The following ADAMTSL1 variants were observed in gnomAD, a reference collection of about 807,000 sequenced individuals.
ADAMTSL1 encodes the protein ADAMTS-like protein 1.
ADAMTSL1 carries 126 observed loss-of-function variants against 201.8 expected under a neutral mutation model. That is an observed-to-expected ratio of 0.62 (90% CI 0.54 to 0.72). The LOEUF is 0.72. Among genes scored for constraint, ADAMTSL1 ranks in the 30% least tolerant of loss-of-function variants. The pLI is 0.00. For missense variants in ADAMTSL1, 2,679 were observed against 2,277.8 expected, an observed-to-expected ratio of 1.18 and a Z score of -3.59; for synonymous variants, 1,121 against 903.4, an observed-to-expected ratio of 1.24 and a Z score of -4.32.
intron 2 of ADAMTSL1, among the ~76,000 whole-genome samples, chr9:18,349,748 C>A (rs1039706949): frequency 5.3e-5 from 8 of 152,022 alleles, no homozygotes; most frequent in Non-Finnish European, 1.2e-4. Flanking sequence ...GGTCAGCCTG[C>A]CTGAGGCACA....
intron 21 of ADAMTSL1, among the ~76,000 whole-genome samples, chr9:18,819,209 A>G (rs1489307143): frequency 6.6e-6 from 1 of 152,092 alleles, no homozygotes; most frequent in East Asian, 1.9e-4. Flanking sequence ...TAATCACAGC[A>G]CTTTGGGGGG....
intron 7 of ADAMTSL1, among the ~76,000 whole-genome samples, chr9:18,641,199 T>C (rs1284170570): frequency 1.3e-5 from 2 of 152,084 alleles, no homozygotes; most frequent in South Asian, 2.1e-4. Flanking sequence ...ACCTCTTATT[T>C]CTTCTTCAAG....
chr9:18,582,022 C>G (rs1022342766), intron 4 of ADAMTSL1, among the ~76,000 whole-genome samples: 1 of 152,148 alleles, frequency 6.6e-6, no homozygotes, highest in East Asian at 1.9e-4. Context: ...GTCAGTCTTT[C>G]TTGCAATTAA....
intron 2 of ADAMTSL1, among the ~76,000 whole-genome samples, chr9:18,416,023 C>A (rs144076479): frequency 8.9e-4 from 136 of 152,096 alleles, no homozygotes; most frequent in African/African-American, 3.2e-3. Flanking sequence ...TCATTACTAG[C>A]AGACCTGTAC....
intron 23 of ADAMTSL1, among the ~76,000 whole-genome samples, chr9:18,849,100 T>C (rs12003140): frequency 0.011 from 1,613 of 152,310 alleles, 31 homozygotes; most frequent in African/African-American, 0.035. Flanking sequence ...TCACACCTTA[T>C]ATTATTGGAC....
intron 19 of ADAMTSL1, among the ~76,000 whole-genome samples, chr9:18,787,636 C>T (rs1286615933): frequency 2.0e-5 from 3 of 152,116 alleles, no homozygotes; most frequent in African/African-American, 2.4e-5. Context: ...AAATAGTAAA[C>T]ATTTTAGGAT....
intron 2 of ADAMTSL1, among the ~76,000 whole-genome samples, chr9:18,313,409 C>G (rs1261017125): frequency 6.6e-6 from 1 of 152,066 alleles, no homozygotes; most frequent in African/African-American, 2.4e-5. Flanking sequence ...TTTATTTTAA[C>G]AAACATTTAA....
intron 19 of ADAMTSL1, among the ~76,000 whole-genome samples, chr9:18,783,578 A>G (rs1372529749): frequency 1.3e-5 from 2 of 152,204 alleles, no homozygotes; most frequent in Non-Finnish European, 2.9e-5. Context: ...AATTACAGCC[A>G]GTGGCTTTAA....
At chr9:18,160,135 G>A (rs889665812) in intron 1 of ADAMTSL1, among the ~76,000 whole-genome samples, 2 of 151,942 alleles carry the variant, frequency 1.3e-5, no homozygotes, top group African/African-American at 4.8e-5. Flanking sequence ...TGGTGTTTCT[G>A]TATTCCCGGG....
intron 4 of ADAMTSL1, among the ~76,000 whole-genome samples, chr9:18,620,122 C>G (rs1206769077): frequency 6.6e-6 from 1 of 150,624 alleles, no homozygotes; most frequent in Admixed American, 6.7e-5. Flanking sequence ...TGTGACACCT[C>G]CCTTCCATTG....
intron 1 of ADAMTSL1, among the ~76,000 whole-genome samples, chr9:18,028,660 G>T (rs1394459652): frequency 2.0e-5 from 3 of 152,120 alleles, no homozygotes; most frequent in African/African-American, 7.2e-5. Flanking sequence ...TTTGGTTACT[G>T]TAGCCTTGTA....
At chr9:18,886,065 T>C (rs1828832328) in intron 23 of ADAMTSL1, among the ~76,000 whole-genome samples, 1 of 151,010 alleles carries the variant, frequency 6.6e-6, no homozygotes, top group Non-Finnish European at 1.5e-5. Flanking sequence ...GGCGAGCAGA[T>C]CACTTGAGGC....
At chr9:18,556,601 G>T (rs1005973029) in intron 3 of ADAMTSL1, among the ~76,000 whole-genome samples, 1 of 151,916 alleles carries the variant, frequency 6.6e-6, no homozygotes, top group Admixed American at 6.6e-5. Context: ...CAATCTAAAA[G>T]CACTGGGTTT....
chr9:18,206,503 G>C (rs1173800665), intron 2 of ADAMTSL1, among the ~76,000 whole-genome samples: 1 of 151,930 alleles, frequency 6.6e-6, no homozygotes, highest in Non-Finnish European at 1.5e-5. Context: ...GACCCCTACT[G>C]TGTGTTACTA....
chr9:18,858,457 G>A (rs1423477060), intron 23 of ADAMTSL1, among the ~76,000 whole-genome samples: 1 of 152,192 alleles, frequency 6.6e-6, no homozygotes, highest in Non-Finnish European at 1.5e-5. Flanking sequence ...GATGAACATT[G>A]TCTTCTTTAG....
chr9:18,407,719 T>C (rs1460795000), intron 2 of ADAMTSL1, among the ~76,000 whole-genome samples: 5 of 152,212 alleles, frequency 3.3e-5, no homozygotes, highest in Admixed American at 3.3e-4. Context: ...TGGAAGCTTA[T>C]TGCAATGTTT....
chr9:18,730,918 G>A (rs960467747), intron 15 of ADAMTSL1, among the ~76,000 whole-genome samples: 1 of 152,184 alleles, frequency 6.6e-6, no homozygotes, highest in Non-Finnish European at 1.5e-5. Flanking sequence ...ATTCACAGAG[G>A]TAGAAAGGGC....
intron 2 of ADAMTSL1, among the ~76,000 whole-genome samples, chr9:18,170,079 G>C (rs142560199): frequency 6.1e-4 from 93 of 151,612 alleles, no homozygotes; most frequent in Admixed American, 1.7e-3. Context: ...TGTAAAATCT[G>C]TTACCCTGTG....
intron 2 of ADAMTSL1, among the ~76,000 whole-genome samples, chr9:18,440,107 G>A (rs1284306404): frequency 1.3e-5 from 2 of 152,098 alleles, no homozygotes; most frequent in Non-Finnish European, 2.9e-5. Flanking sequence ...TATTTATTAT[G>A]TTTTTGGTAA....
Sources: allele counts gnomAD v4.1 joint callset (sites outside exome capture counted in the v4.1 genomes callset), GRCh38; gene constraint gnomAD v4.1.1; transcripts MANE v1.5; gene names NCBI Gene and HGNC (gene_info 2026-07-23, HGNC 2026-07-21).